DHDDS: variants seen among roughly 807,000 people sequenced by gnomAD.
DHDDS encodes dehydrodolichyl diphosphate synthase subunit.
DHDDS carries 16 observed loss-of-function variants against 46.2 expected under a neutral mutation model. That is an observed-to-expected ratio of 0.35 (90% CI 0.23 to 0.53). The LOEUF is 0.53. Ranked by LOEUF, DHDDS falls within the 20% of genes least tolerant of loss-of-function variation. The pLI is 0.94. For synonymous variants in DHDDS, 151 were observed against 163.1 expected (o/e 0.93, Z 0.56); for missense variants, 340 against 423.7 (o/e 0.80, Z 1.73).
At position 26,446,446 on chromosome 1, in the gene DHDDS, T is replaced by C. The variant is rs1283007450; in HGVS notation, c.440+14T>C. On this transcript the variant is annotated intron_variant, in intron 5 of 8. Coordinates refer to ENST00000236342, the MANE Select transcript of DHDDS (RefSeq NM_205861.3). The stretch of plus-strand genomic sequence containing the variant: ...GAACTACAACAAGTAAGTTCTCAGA[T>C]TTCCCTATAGGGAGCTGTTTCAATC... 6 of 1,610,968 alleles carry C rather than the reference T, an allele frequency of 3.7e-6. No individual in the cohort carries two copies. Among genetic ancestry groups the C allele is most frequent in the Non-Finnish European group, 5.1e-6 (6 of 1,177,542 alleles).
chr1:26,435,430 C>CT (rs35735570), intron 2 of DHDDS, among the ~76,000 whole-genome samples: 849 of 62,524 alleles, frequency 0.014, 13 homozygotes, highest in Non-Finnish European at 0.017. Flanking sequence ...GAATTAGTGC[C>CT]TTTTTTTTTT....
intron 8 of DHDDS, among the ~76,000 whole-genome samples, chr1:26,466,018 A>G (rs1289220812): frequency 6.6e-6 from 1 of 152,204 alleles, no homozygotes; most frequent in African/African-American, 2.4e-5. Flanking sequence ...TGGAGGGACT[A>G]TTACATCTTG....
intron 8 of DHDDS, chr1:26,462,745 G>A (rs1227419645): frequency 1.3e-5 from 2 of 152,194 alleles, no homozygotes; most frequent in Non-Finnish European, 2.9e-5. Flanking sequence ...TGTCAGAGGA[G>A]TTAACTCAAG....
At chr1:26,438,554 T>C (rs1484089950) in intron 3 of DHDDS, 4 of 398,648 alleles carry the variant, frequency 1.0e-5, no homozygotes, top group African/African-American at 6.2e-5. Flanking sequence ...TCAGACCCTG[T>C]CTCTACAAAA....
chr1:26,458,917 G>A (rs2075397360), intron 7 of DHDDS, among the ~76,000 whole-genome samples: 2 of 152,098 alleles, frequency 1.3e-5, no homozygotes, highest in Non-Finnish European at 1.5e-5. Flanking sequence ...GGACTTACTG[G>A]AAGAGGCCAA....
intron 8 of DHDDS, chr1:26,467,225 TA>T: frequency 2.3e-6 from 1 of 432,436 alleles, no homozygotes. Flanking sequence ...AATCAGCCTG[TA>T]AGCACCTGGA....
chr1:26,451,631 CTTT>C (rs201092863), intron 6 of DHDDS, among the ~76,000 whole-genome samples: 5 of 129,964 alleles, frequency 3.8e-5, no homozygotes, highest in Non-Finnish European at 5.0e-5. Context: ...ATTTTTTTTT[CTTT>C]TTTTTTTTTT....
At chr1:26,435,278 G>C (rs2075142629) in intron 2 of DHDDS, among the ~76,000 whole-genome samples, 2 of 152,014 alleles carry the variant, frequency 1.3e-5, no homozygotes, top group African/African-American at 4.8e-5. Flanking sequence ...CCAAAGTGCT[G>C]GGATTACAGG....
At chr1:26,458,737 CAA>C (rs11381495) in intron 7 of DHDDS, among the ~76,000 whole-genome samples, 23 of 71,662 alleles carry the variant, frequency 3.2e-4, no homozygotes, top group Admixed American at 4.3e-4. Flanking sequence ...GACTCTGTCG[CAA>C]AAAAAAAAAA....
intron 1 of DHDDS, 27 bp from the exon 2 acceptor site, chr1:26,432,861 ACTT>A (rs1344747338): frequency 3.0e-5 from 44 of 1,471,212 alleles, no homozygotes; most frequent in Non-Finnish European, 4.1e-5. Flanking sequence ...AACCTTGGTG[ACTT>A]CTTATTTTCT....
At chr1:26,437,779 C>T (rs551758293) in intron 2 of DHDDS, among the ~76,000 whole-genome samples, 17 of 150,508 alleles carry the variant, frequency 1.1e-4, no homozygotes, top group African/African-American at 3.9e-4. Context: ...CCCGGCCGAC[C>T]CCATCTCTTA....
intron 6 of DHDDS, among the ~76,000 whole-genome samples, chr1:26,453,318 G>A (rs1382368495): frequency 6.6e-6 from 1 of 152,026 alleles, no homozygotes; most frequent in Non-Finnish European, 1.5e-5. Flanking sequence ...TATTTGTTGG[G>A]TATATAGGCA....
rs1255605357 is a variant in DHDDS at position 26,470,064 on chromosome 1, C to T, written c.*933C>T. The T allele has an allele frequency of 1.3e-5, 2 of 152,284 alleles. No individual in the cohort carries two copies. Among genetic ancestry groups the T allele is most frequent in the African/African-American group, 4.8e-5 (2 of 41,448 alleles). The allele number at this position is 152,284 out of a possible 1,614,324, so 9.4% of individuals were successfully genotyped here. On this transcript the variant is annotated 3_prime_UTR_variant, in exon 9 of 9. Transcript: ENST00000236342. ...TTTCTCTCAGCTTTTTGACCTGGCT[C>T]CCTAAGTAGGCCCTAGATGATTTAT...
chr1:26,447,608 A>C lies in DHDDS; in HGVS notation c.490A>C (p.Asn164His), dbSNP rs1380154654. The change falls in exon 6 of 9, where the codon AAT (asparagine) becomes CAT (histidine). Residue 164 changes from asparagine to histidine, a missense_variant. Coordinates refer to ENST00000236342, the MANE Select transcript of DHDDS (RefSeq NM_205861.3). ...ATACACATCCCGTCATGAGATCAGC[A>C]ATGCTGTGAGAGAGATGGCCTGGGG... ...FAYTSRHEIS[N>H]AVREMAWGVE... 1 of 1,614,188 alleles carries C rather than the reference A, an allele frequency of 6.2e-7. No homozygotes were observed. Among genetic ancestry groups the C allele is most frequent in the Non-Finnish European group, 8.5e-7 (1 of 1,180,036 alleles).
At chr1:26,436,681 C>G (rs900100937) in intron 2 of DHDDS, among the ~76,000 whole-genome samples, 4 of 151,876 alleles carry the variant, frequency 2.6e-5, no homozygotes, top group South Asian at 2.1e-4. Flanking sequence ...CCTCGGCCTC[C>G]CAAAGTGCTG....
At chr1:26,450,389 T>G (rs1193978465) in intron 6 of DHDDS, among the ~76,000 whole-genome samples, 1 of 152,162 alleles carries the variant, frequency 6.6e-6, no homozygotes, top group Non-Finnish European at 1.5e-5. Context: ...TCAAGTGGTC[T>G]TCTTGCCCTG....
In DHDDS at chr1:26,443,663, G is replaced by C. The variant is rs534979598; in HGVS notation, c.323+790G>C. 3.9e-5 allele frequency among the ~76,000 whole-genome samples: 6 copies of C among 152,256 alleles called. No homozygotes were observed. The East Asian group carries it at 1.2e-3, about 29-fold the overall frequency. On this transcript the variant is annotated intron_variant, in intron 4 of 8. Coordinates refer to ENST00000236342, the MANE Select transcript of DHDDS (RefSeq NM_205861.3). Reference sequence around the variant, plus strand: ...ACAGTGAGCCTAGAACTCCAGTGAAGATGAGCCTAGAACAATGGGTGGTAG... The same window carrying C: ...ACAGTGAGCCTAGAACTCCAGTGAACATGAGCCTAGAACAATGGGTGGTAG...
At chr1:26,435,108 C>G (rs1473266455) in intron 2 of DHDDS, among the ~76,000 whole-genome samples, 1 of 151,744 alleles carries the variant, frequency 6.6e-6, no homozygotes, top group African/African-American at 2.4e-5. Flanking sequence ...CTCCCCGGTT[C>G]AAACAATTCT....
chr1:26,432,579 G>C (rs1452103561), intron 1 of DHDDS: 2 of 312,472 alleles, frequency 6.4e-6, no homozygotes, highest in Non-Finnish European at 1.2e-5. Context: ...AGGAAGAAAC[G>C]GGGAATGATC....
Sources: gnomAD v4.1 joint callset for allele counts (sites outside exome capture counted in the v4.1 genomes callset) on GRCh38, gnomAD v4.1.1 for gene constraint, MANE v1.5 for transcripts, NCBI Gene and HGNC (gene_info 2026-07-23, HGNC 2026-07-21) for gene names.